The following TENM2 variants were observed in gnomAD, a reference collection of about 807,000 sequenced individuals.
TENM2 encodes teneurin-2.
A neutral mutation model predicts 245.2 loss-of-function variants in TENM2; 52 were observed. The ratio of observed to expected loss-of-function variants is 0.21; its 90% CI spans 0.17 to 0.27. The LOEUF is 0.27. Among genes scored for constraint, TENM2 ranks in the 10% least tolerant of loss-of-function variants. The probability of loss-of-function intolerance (pLI) is 1.00; values close to 1 mark genes in which losing one functional copy is unlikely to be tolerated. For missense variants in TENM2, 3,046 were observed against 3,666.8 expected (o/e 0.83, Z 4.37); for synonymous variants, 1,363 against 1,438.9 (o/e 0.95, Z 1.19).
At chr5:167,030,094 A>T in the TENM2 span, among the ~76,000 whole-genome samples, 7 of 152,206 alleles carry the variant, frequency 4.6e-5, no homozygotes, top group Non-Finnish European at 7.3e-5. Flanking sequence ...GTAATCGCTG[A>T]CAACGTCCTC....
At chr5:166,987,309 A>T in the TENM2 span, among the ~76,000 whole-genome samples, 3 of 152,054 alleles carry the variant, frequency 2.0e-5, no homozygotes, top group Non-Finnish European at 2.9e-5. Flanking sequence ...GGAGGGGGGA[A>T]AATGTGTTTG....
At chr5:167,911,420 G>T (rs35874051) in intron 3 of TENM2, among the ~76,000 whole-genome samples, 1 of 152,056 alleles carries the variant, frequency 6.6e-6, no homozygotes, top group African/African-American at 2.4e-5. Flanking sequence ...CCAGCTACTC[G>T]GGAGGCTGAG....
chr5:167,027,865 G>T, the TENM2 span, among the ~76,000 whole-genome samples: 1 of 151,990 alleles, frequency 6.6e-6, no homozygotes, highest in African/African-American at 2.4e-5. Flanking sequence ...GATCATTTGA[G>T]GTCAGGAGTT....
chr5:167,674,825 T>G (rs1183915729), intron 2 of TENM2, among the ~76,000 whole-genome samples: 1 of 152,108 alleles, frequency 6.6e-6, no homozygotes, highest in Non-Finnish European at 1.5e-5. Context: ...TAGGTTGTGT[T>G]TCTATACTAG....
intron 25 of TENM2, chr5:168,230,940 C>G (rs1469218992): frequency 6.6e-6 from 1 of 152,264 alleles, no homozygotes; most frequent in Non-Finnish European, 1.5e-5. Flanking sequence ...ACCCTGAAAT[C>G]TCATGGGCGT....
intron 7 of TENM2, among the ~76,000 whole-genome samples, chr5:168,078,741 G>C: frequency 6.6e-6 from 1 of 152,132 alleles, no homozygotes; most frequent in East Asian, 1.9e-4. Flanking sequence ...GATGGTTGTA[G>C]ATGTGTGGTA....
chr5:167,688,988 C>A (rs79727173), intron 2 of TENM2, among the ~76,000 whole-genome samples: 2,174 of 152,194 alleles, frequency 0.014, 48 homozygotes, highest in African/African-American at 0.05. Flanking sequence ...CATCGGAGTG[C>A]CTGGCTGGCT....
the TENM2 span, among the ~76,000 whole-genome samples, chr5:167,238,635 G>T: frequency 1.3e-5 from 2 of 148,226 alleles, no homozygotes; most frequent in Admixed American, 6.7e-5. Flanking sequence ...TTAAACATAT[G>T]CATTCTTCTG....
At chr5:168,262,700 G>A (rs779515432) in exon 29 of TENM2, 11 of 1,610,564 alleles carry the variant, frequency 6.8e-6, no homozygotes, top group Non-Finnish European at 7.6e-6. Context: ...CACCGGGCGC[G>A]TGCAAGGGTA....
At chr5:167,961,284 A>C (rs936448660) in intron 4 of TENM2, among the ~76,000 whole-genome samples, 1 of 152,396 alleles carries the variant, frequency 6.6e-6, no homozygotes, top group Non-Finnish European at 1.5e-5. Flanking sequence ...ATGGTAAACC[A>C]TTAATAAACA....
At chr5:167,445,334 T>TAGAGAGAGAGAGAG (rs1380778783) in intron 2 of TENM2, among the ~76,000 whole-genome samples, 279 of 86,144 alleles carry the variant, frequency 3.2e-3, no homozygotes, top group Non-Finnish European at 5.5e-3. Context: ...TATATATATA[T>TAGAGAGAGAGAGAG]ATAGAGAGAG....
intron 10 of TENM2, among the ~76,000 whole-genome samples, chr5:168,124,597 G>A (rs1253160499): frequency 1.3e-5 from 2 of 152,230 alleles, no homozygotes; most frequent in Non-Finnish European, 2.9e-5. Flanking sequence ...TGCTGCTTGA[G>A]AAATCCCCTT....
rs147870128 is a variant in TENM2 at position 167,445,821 on chromosome 5, C to T, written c.502+70348C>T. Among the ~76,000 whole-genome samples the T allele has an allele frequency of 4.1e-3, 626 of 152,210 alleles. 1 individual carries two copies. The highest frequency in any genetic ancestry group is 9.3e-3 in the African/African-American group (387 of 41,526). On this transcript the variant is annotated intron_variant, in intron 2 of 28. Coordinates refer to ENST00000518659, the Ensembl canonical transcript of TENM2. ...CTGCCCAAACCGTCCCTGGTCTGGA[C>T]GCCACAAATGGAGCAGAAAGAGAAA... is the stretch of plus-strand genomic sequence containing the variant.
intron 25 of TENM2, among the ~76,000 whole-genome samples, chr5:168,237,542 G>A (rs1765615252): frequency 6.6e-6 from 1 of 151,990 alleles, no homozygotes; most frequent in South Asian, 2.1e-4. Flanking sequence ...AATGGTGAAG[G>A]TATGGTTTTG....
chr5:168,082,265 A>G (rs1440010913), intron 7 of TENM2, among the ~76,000 whole-genome samples: 2 of 152,140 alleles, frequency 1.3e-5, no homozygotes, highest in East Asian at 1.9e-4. Context: ...TTCTCGTGCC[A>G]TGGTTTCAGC....
intron 2 of TENM2, among the ~76,000 whole-genome samples, chr5:167,737,373 G>A (rs973866162): frequency 2.6e-5 from 4 of 152,146 alleles, no homozygotes; most frequent in African/African-American, 7.2e-5. Flanking sequence ...GTGCCTGCTC[G>A]AAAGAGCCAC....
chr5:167,612,421 G>A (rs1000687315), intron 2 of TENM2, among the ~76,000 whole-genome samples: 53 of 151,698 alleles, frequency 3.5e-4, no homozygotes, highest in Non-Finnish European at 4.7e-4. Flanking sequence ...TTACATCTAG[G>A]CATACTGCAT....
At chr5:167,236,511 A>C in the TENM2 span, among the ~76,000 whole-genome samples, 2 of 152,226 alleles carry the variant, frequency 1.3e-5, no homozygotes, top group African/African-American at 4.8e-5. Context: ...TTCTCAGGCA[A>C]CTTGGATTTT....
the TENM2 span, among the ~76,000 whole-genome samples, chr5:167,254,861 G>A: frequency 6.6e-6 from 1 of 152,038 alleles, no homozygotes; most frequent in Non-Finnish European, 1.5e-5. Context: ...AAGCAAGTGA[G>A]TGCTAAGGGC....
Sources: allele counts gnomAD v4.1 joint callset (sites outside exome capture counted in the v4.1 genomes callset), GRCh38; gene constraint gnomAD v4.1.1; transcripts MANE v1.5; gene names NCBI Gene and HGNC (gene_info 2026-07-23, HGNC 2026-07-21).